DGUOK: variants seen among roughly 807,000 people sequenced by gnomAD.
The protein encoded by DGUOK is deoxyguanosine kinase.
A neutral mutation model predicts 36.6 loss-of-function variants in DGUOK; 30 were observed. The observed-to-expected ratio is 0.82, with a 90% CI of 0.61 to 1.11. DGUOK has a LOEUF of 1.11. Ranked by LOEUF, DGUOK falls within the 50% of genes most tolerant of loss-of-function variation. The pLI is 0.00. For missense variants in DGUOK, 361 were observed against 336.4 expected, an observed-to-expected ratio of 1.07 and a Z score of -0.57; for synonymous variants, 145 against 126.3, an observed-to-expected ratio of 1.15 and a Z score of -0.99.
rs914877481 is a variant in DGUOK, at chr2:73,958,264, C to A, written c.807+19C>A. 1.3e-6 allele frequency: 2 copies of A among 1,581,044 alleles called. No homozygotes were observed. The highest frequency in any genetic ancestry group is 1.7e-6 in the Non-Finnish European group (2 of 1,150,304). Reference sequence around the variant, plus strand: ...GAGAGAGGTGGGAAGGACTTTAACTCCTGTTTTCTGGTGGTTTCCTTTGTT... The same window carrying A: ...GAGAGAGGTGGGAAGGACTTTAACTACTGTTTTCTGGTGGTTTCCTTTGTT... On this transcript the variant is annotated intron_variant, in intron 6 of 6. Coordinates refer to ENST00000264093, the MANE Select transcript of DGUOK (RefSeq NM_080916.3).
chr2:73,945,292 CAT>C (rs1682215283), intron 2 of DGUOK, among the ~76,000 whole-genome samples: 1 of 152,332 alleles, frequency 6.6e-6, no homozygotes, highest in Non-Finnish European at 1.5e-5. Context: ...CCCTTCATCA[CAT>C]GTTCTGCCTT....
rs776244110 is a variant in DGUOK, at chr2:73,946,777, G to A, written c.314G>A (p.Arg105Gln). ...GATATGATGTACCGGGAGCCAGCAC[G>A]ATGGTCCTACACATTCCAGACATTT... ...LLDMMYREPA[R>Q]WSYTFQTFSF... The change falls in exon 3 of 7, where the codon CGA (arginine) becomes CAA (glutamine). Residue 105 changes from arginine (R) to glutamine (Q), a missense_variant. Physicochemically the swap from Arg to Gln is conservative, Grantham distance 43. Transcript: ENST00000264093. The A allele has an allele frequency of 6.8e-6, 11 of 1,614,016 alleles. No homozygotes were observed. The East Asian group carries it at 8.9e-5, about 13-fold the overall frequency.
intron 1 of DGUOK, among the ~76,000 whole-genome samples, chr2:73,931,760 A>G (rs1432270813): frequency 1.3e-5 from 2 of 152,220 alleles, no homozygotes; most frequent in African/African-American, 4.8e-5. Flanking sequence ...ATGAATGAAT[A>G]GATGAATTGG....
rs11306613 is a variant in DGUOK, at chr2:73,943,323, ATTT to A, written c.256-3379_256-3377del. ...TACCACTGTCCCCATCTACTTAAAA[ATTT>A]TTTTTTTTTTTTTTTTGTAGAGATA... On this transcript the variant is annotated intron_variant, in intron 2 of 6. Transcript: ENST00000264093. Among the ~76,000 whole-genome samples, 1,366 of 142,696 alleles carry A rather than the reference ATTT, an allele frequency of 9.6e-3. 21 individuals are homozygous for A. The highest frequency in any genetic ancestry group is 0.031 in the African/African-American group (1,179 of 38,512). The allele number at this position is 142,696 out of a possible 152,430, so 93.6% of individuals were successfully genotyped here.
At chr2:73,930,595 T>C (rs149439001) in intron 1 of DGUOK, among the ~76,000 whole-genome samples, 65 of 152,200 alleles carry the variant, frequency 4.3e-4, no homozygotes, top group African/African-American at 1.5e-3. Flanking sequence ...TTTTCCTGAC[T>C]TTTGCTTCTT....
chr2:73,955,147 C>T (rs1360848836), intron 4 of DGUOK, among the ~76,000 whole-genome samples: 3 of 152,064 alleles, frequency 2.0e-5, no homozygotes, highest in South Asian at 4.1e-4. Flanking sequence ...TTTAATAGAT[C>T]AATGTTAGTG....
chr2:73,949,414 A>G (rs538543281), intron 3 of DGUOK, among the ~76,000 whole-genome samples: 2 of 152,330 alleles, frequency 1.3e-5, no homozygotes, highest in South Asian at 2.1e-4. Context: ...TAGCTTCTTC[A>G]TAGCCTAACA....
chr2:73,958,143 T>C lies in DGUOK; in HGVS notation c.708-3T>C, dbSNP rs370071744. 6.0e-4 allele frequency: 961 copies of C among 1,613,028 alleles called. 1 individual carries two copies. In the Middle Eastern group the frequency reaches 0.013, roughly 22 times the overall value. On this transcript the variant is annotated splice_polypyrimidine_tract_variant and splice_region_variant and intron_variant, in intron 5 of 6. Transcript: ENST00000264093. Reference sequence around the variant, plus strand: ...GTCCCCCAAACGTTCACGCTTCTTATAGGCTCCACTTTGAGGCTCTGATGA... The same window carrying C: ...GTCCCCCAAACGTTCACGCTTCTTACAGGCTCCACTTTGAGGCTCTGATGA...
chr2:73,946,779 T>A lies in DGUOK; in HGVS notation c.316T>A (p.Trp106Arg). 1 of 1,614,180 alleles carries A rather than the reference T, an allele frequency of 6.2e-7. No homozygotes were observed. Among genetic ancestry groups the A allele is most frequent in the Non-Finnish European group, 8.5e-7 (1 of 1,180,034 alleles). The change falls in exon 3 of 7, where the codon TGG becomes AGG. Residue 106 changes from tryptophan to arginine, a missense_variant. Coordinates refer to ENST00000264093, the MANE Select transcript of DGUOK (RefSeq NM_080916.3). ...LDMMYREPAR[W>R]SYTFQTFSFL... is the part of the protein sequence containing the mutation. Reference sequence around the variant, plus strand: ...TATGATGTACCGGGAGCCAGCACGATGGTCCTACACATTCCAGACATTTTC... The same window carrying A: ...TATGATGTACCGGGAGCCAGCACGAAGGTCCTACACATTCCAGACATTTTC...
At chr2:73,937,103 C>T (rs536973491) in intron 1 of DGUOK, among the ~76,000 whole-genome samples, 2 of 152,312 alleles carry the variant, frequency 1.3e-5, no homozygotes, top group South Asian at 4.1e-4. Context: ...GCCAGAGAGG[C>T]ATACACAGGG....
At chr2:73,953,486 A>G (rs890663302) in intron 4 of DGUOK, among the ~76,000 whole-genome samples, 15 of 152,172 alleles carry the variant, frequency 9.9e-5, no homozygotes, top group Non-Finnish European at 1.9e-4. Flanking sequence ...TTAGTTCCAG[A>G]GATGCAGGAA....
At chr2:73,931,291 T>G (rs2254678) in intron 1 of DGUOK, among the ~76,000 whole-genome samples, 85,476 of 151,690 alleles carry the variant, frequency 0.56, 25,343 homozygotes, top group Non-Finnish European at 0.65. Flanking sequence ...TTGTTTGTTT[T>G]TTTGATGGAG....
intron 4 of DGUOK, among the ~76,000 whole-genome samples, chr2:73,955,573 T>A (rs1176635396): frequency 6.6e-6 from 1 of 152,134 alleles, no homozygotes; most frequent in Non-Finnish European, 1.5e-5. Flanking sequence ...TTAAGTAAGT[T>A]ATTGAAAGAG....
At chr2:73,946,070 A>AAAAAAAG (rs56231941) in intron 2 of DGUOK, among the ~76,000 whole-genome samples, 16 of 142,972 alleles carry the variant, frequency 1.1e-4, no homozygotes, top group Admixed American at 1.0e-3. Context: ...AAAAAAAAAA[A>AAAAAAAG]AATCCGGGGC....
chr2:73,944,443 C>T (rs1682138040), intron 2 of DGUOK, among the ~76,000 whole-genome samples: 1 of 152,164 alleles, frequency 6.6e-6, no homozygotes, highest in Non-Finnish European at 1.5e-5. Context: ...GCATTTTTCA[C>T]CTCTAAGAAA....
chr2:73,949,820 C>T (rs907491066), intron 3 of DGUOK, among the ~76,000 whole-genome samples: 1 of 152,144 alleles, frequency 6.6e-6, no homozygotes, highest in African/African-American at 2.4e-5. Context: ...TGTCTGAAGC[C>T]ATGGTTTATG....
intron 4 of DGUOK, among the ~76,000 whole-genome samples, chr2:73,954,226 C>A (rs979396538): frequency 3.9e-5 from 6 of 152,088 alleles, no homozygotes; most frequent in Admixed American, 2.0e-4. Context: ...TGTCTGTATT[C>A]CCAGCTACTC....
At chr2:73,936,610 C>T (rs1304082915) in intron 1 of DGUOK, among the ~76,000 whole-genome samples, 3 of 152,152 alleles carry the variant, frequency 2.0e-5, no homozygotes, top group African/African-American at 7.2e-5. Context: ...AAGGATGCCC[C>T]CCTTCTTTCC....
chr2:73,938,069 C>T (rs762398347), intron 1 of DGUOK, among the ~76,000 whole-genome samples: 1 of 152,100 alleles, frequency 6.6e-6, no homozygotes, highest in Non-Finnish European at 1.5e-5. Context: ...ATGACCTGGC[C>T]CTGGACTCCC....
Sources: allele counts gnomAD v4.1 joint callset (sites outside exome capture counted in the v4.1 genomes callset), GRCh38; gene constraint gnomAD v4.1.1; transcripts MANE v1.5; gene names NCBI Gene and HGNC (gene_info 2026-07-23, HGNC 2026-07-21).